Variants in STAT4 observed in about 807,000 individuals in gnomAD.
The protein encoded by STAT4 is signal transducer and activator of transcription 4.
In STAT4, 42 loss-of-function variants were observed where a neutral mutation model predicts 110.5. That is an observed-to-expected ratio of 0.38 (90% CI 0.30 to 0.49). The LOEUF is 0.49. Ranked by LOEUF, STAT4 falls within the 20% of genes least tolerant of loss-of-function variation. The pLI is 0.95. For synonymous variants in STAT4, 284 were observed against 302.2 expected, an observed-to-expected ratio of 0.94 and a Z score of 0.63; for missense variants, 632 against 887.9, an observed-to-expected ratio of 0.71 and a Z score of 3.66.
At position 191,043,831 on chromosome 2, in the gene STAT4, G is replaced by A. The variant is rs71414919; in HGVS notation, c.1252-2683C>T. ...GAAAATATTTTGTTGAGCAAGAAAA[G>A]CAAGTTGTGATAAAATATATACATA... On this transcript the variant is annotated intron_variant, in intron 14 of 23. Transcript: ENST00000392320. The surrounding 1 kb of genome is among the most constrained non-coding windows in gnomAD (Gnocchi z 4.8). Among the ~76,000 whole-genome samples, 2,173 of 152,112 alleles carry A rather than the reference G, an allele frequency of 0.014. 23 individuals carry two copies. Among genetic ancestry groups the A allele is most frequent in the Non-Finnish European group, 0.023 (1,597 of 67,972 alleles).
intron 1 of STAT4, among the ~76,000 whole-genome samples, chr2:191,148,433 T>G (rs868732244): frequency 1.6e-4 from 24 of 152,262 alleles, no homozygotes; most frequent in African/African-American, 5.3e-4. Context: ...ACTCCTGTTC[T>G]ACCTGCTCCA....
At chr2:191,057,440 C>G (rs1696729462) in intron 13 of STAT4, among the ~76,000 whole-genome samples, 1 of 152,074 alleles carries the variant, frequency 6.6e-6, no homozygotes, top group African/African-American at 2.4e-5. Flanking sequence ...ATATACTGAC[C>G]AACTACTATG....
chr2:191,045,643 AAC>A (rs1696328692), intron 14 of STAT4, among the ~76,000 whole-genome samples: 1 of 152,240 alleles, frequency 6.6e-6, no homozygotes, highest in African/African-American at 2.4e-5. Context: ...AAATAATAAA[AAC>A]AGTCTAATGT....
chr2:191,073,186 G>C lies in STAT4; in HGVS notation c.377C>G (p.Pro126Arg). The C allele has an allele frequency of 6.2e-7, 1 of 1,613,666 alleles. No individual in the cohort carries two copies. Among genetic ancestry groups the C allele is most frequent in the Non-Finnish European group, 8.5e-7 (1 of 1,179,766 alleles). Residue 126 changes from proline to arginine, a missense_variant, in exon 5 of 24, where the codon CCT (proline) becomes CGT (arginine). By Grantham distance (103) the Pro-to-Arg change is moderately radical. This residue lies in a region of STAT4 where 488 missense variants were observed against 632.8 expected (regional missense o/e 0.77). Transcript: ENST00000392320. ...LAAANMPVQG[P>R]LEKSLQSSSV... ...AGAACTTTGTAAGGATTTCTCTAGA[G>C]GCCCCTGGAAAAAGAATGTCTTGAA...
At chr2:191,047,847 G>T (rs1404881799) in intron 14 of STAT4, among the ~76,000 whole-genome samples, 1 of 152,128 alleles carries the variant, frequency 6.6e-6, no homozygotes, top group Non-Finnish European at 1.5e-5. Context: ...TGTATTTTTA[G>T]TAGGGACAGG....
In STAT4 at chr2:191,140,815, T is replaced by C. The variant is rs1032018824; in HGVS notation, c.273+5798A>G. ...ATGTTTATAGCAGTACAATTCACAA[T>C]TGCAAAGATAAGGAACCAACCTAAG... On this transcript the variant is annotated intron_variant, in intron 3 of 23. Coordinates refer to ENST00000392320, the MANE Select transcript of STAT4 (RefSeq NM_003151.4). The surrounding 1 kb of genome is among the most constrained non-coding windows in gnomAD (Gnocchi z 4.4). Among the ~76,000 whole-genome samples the C allele has an allele frequency of 6.6e-6, 1 of 152,096 alleles. No homozygotes were observed. The highest frequency in any genetic ancestry group is 2.4e-5 in the African/African-American group (1 of 41,412).
Position 191,031,838 on chromosome 2 carries a change from G to A in STAT4, c.2045-322C>T, listed in dbSNP as rs3024897. Among the ~76,000 whole-genome samples, 1 of 152,118 alleles carries A rather than the reference G, an allele frequency of 6.6e-6. No individual in the cohort carries two copies. The highest frequency in any genetic ancestry group is 2.4e-5 in the African/African-American group (1 of 41,404). ...TCATTTATGTTTGATTATAAGGACTGATTGAGTCATGTTTTGGGAGATATA... is the reference window on the plus strand; with the variant it reads ...TCATTTATGTTTGATTATAAGGACTAATTGAGTCATGTTTTGGGAGATATA... On this transcript the variant is annotated intron_variant, in intron 21 of 23. Transcript: ENST00000392320. This position sits in a 1 kb window ranked among gnomAD's most constrained non-coding sequence, Gnocchi z 4.8.
chr2:191,067,661 G>A (rs1269174027), intron 6 of STAT4, among the ~76,000 whole-genome samples: 1 of 152,128 alleles, frequency 6.6e-6, no homozygotes, highest in Non-Finnish European at 1.5e-5. Context: ...CTGGATTACT[G>A]GGTAACCACT....
chr2:191,124,845 C>T (rs1047079180), intron 3 of STAT4, among the ~76,000 whole-genome samples: 1 of 152,210 alleles, frequency 6.6e-6, no homozygotes, highest in Non-Finnish European at 1.5e-5. Context: ...CATTCCTATG[C>T]CACTTCCTAG....
rs1425639319 is a variant in STAT4, at chr2:191,061,929, C to T, written c.942-108G>A. On this transcript the variant is annotated intron_variant, in intron 9 of 23. Transcript: ENST00000392320. This position sits in a 1 kb window ranked among gnomAD's most constrained non-coding sequence, Gnocchi z 6.2. ...CCACTCAAAGTCCAAATTTTCTACA[C>T]TTAGAAGATATTCAAACCCCCAATT... 1 of 932,454 alleles carries T rather than the reference C, an allele frequency of 1.1e-6. No individual in the cohort carries two copies. Among genetic ancestry groups the T allele is most frequent in the East Asian group, 2.5e-5 (1 of 40,644 alleles). The allele number at this position is 932,454 out of a possible 1,614,324, so 57.8% of individuals were successfully genotyped here.
intron 4 of STAT4, among the ~76,000 whole-genome samples, chr2:191,075,837 C>CTTTTTTTTTTTTTTTT (rs71407854): frequency 9.9e-5 from 12 of 121,488 alleles, no homozygotes; most frequent in African/African-American, 2.6e-4. Context: ...TTCTTTCTTT[C>CTTTTTTTTTTTTTTTT]TTTTTTTTTT....
rs752516968 is a variant in STAT4 at position 191,056,551 on chromosome 2, ATGTG to A, written c.1206+1463_1206+1466del. Among the ~76,000 whole-genome samples the A allele has an allele frequency of 4.5e-4, 68 of 152,154 alleles. 1 individual carries two copies. Among genetic ancestry groups the A allele is most frequent in the Admixed American group, 1.1e-3 (17 of 15,284 alleles). On this transcript the variant is annotated intron_variant, in intron 13 of 23. Transcript: ENST00000392320. The stretch of plus-strand genomic sequence containing the variant: ...ACCAGGAATGCCTATCCATTATTGC[ATGTG>A]TGTATGTGTGTGTGTGTGCCTTTGT...
chr2:191,119,231 T>C (rs998697365), intron 3 of STAT4, among the ~76,000 whole-genome samples: 1 of 152,212 alleles, frequency 6.6e-6, no homozygotes, highest in Admixed American at 6.5e-5. Context: ...TAAAATATGC[T>C]AAAAAGGGTC....
At chr2:191,084,096 T>C (rs1697563166) in intron 3 of STAT4, among the ~76,000 whole-genome samples, 1 of 151,926 alleles carries the variant, frequency 6.6e-6, no homozygotes, top group Non-Finnish European at 1.5e-5. Context: ...ACCCCGTCTG[T>C]ACTAAAAATA....
intron 2 of STAT4, 33 bp downstream of exon 2, chr2:191,148,043 A>G (rs748174396): frequency 6.2e-7 from 1 of 1,612,642 alleles, no homozygotes; most frequent in East Asian, 2.2e-5. Flanking sequence ...ACATTTGTGC[A>G]TCAACTTCTA....
At chr2:191,079,221 A>AT (rs1697397182) in intron 3 of STAT4, among the ~76,000 whole-genome samples, 1 of 152,008 alleles carries the variant, frequency 6.6e-6, no homozygotes, top group African/African-American at 2.4e-5. Flanking sequence ...ACATTTTAGA[A>AT]TCAACTTGTC....
At chr2:191,064,465 T>G (rs1305289414) in intron 8 of STAT4, among the ~76,000 whole-genome samples, 1 of 152,346 alleles carries the variant, frequency 6.6e-6, no homozygotes, top group South Asian at 2.1e-4. Flanking sequence ...ACATTTAAAG[T>G]TGAGATATCT....
intron 3 of STAT4, among the ~76,000 whole-genome samples, chr2:191,125,203 C>A (rs1366361807): frequency 6.6e-6 from 1 of 152,076 alleles, no homozygotes; most frequent in East Asian, 1.9e-4. Context: ...GATTATCTTC[C>A]CATTCCCGTA....
At chr2:191,151,043 AG>A (rs1699580886), upstream of STAT4, 10 of 985,474 alleles carry the variant, frequency 1.0e-5, no homozygotes, top group Middle Eastern at 5.2e-4. This position sits in a 1 kb window ranked among gnomAD's most constrained non-coding sequence, Gnocchi z 4.7. Context: ...CGCCATCATC[AG>A]TAGGGGATTT....
Sources: allele counts gnomAD v4.1 joint callset (sites outside exome capture counted in the v4.1 genomes callset), GRCh38; gene constraint gnomAD v4.1.1; regional missense constraint gnomAD v4.1.1; non-coding constraint Gnocchi (gnomAD v3.1); transcripts MANE v1.5; gene names NCBI Gene and HGNC (gene_info 2026-07-23, HGNC 2026-07-21).